The following DCLK1 variants were observed in gnomAD, a reference collection of about 807,000 sequenced individuals.
DCLK1 encodes serine/threonine-protein kinase DCLK1.
Under a neutral mutation model 86.2 loss-of-function variants are expected in DCLK1, and 16 were observed. The ratio of observed to expected loss-of-function variants is 0.19; its 90% confidence interval spans 0.13 to 0.28. The LOEUF is 0.28. Among genes scored for constraint, DCLK1 ranks in the 10% least tolerant of loss-of-function variants. The pLI is 1.00. For missense variants in DCLK1, 590 were observed against 940.2 expected (o/e 0.63, Z 4.87); for synonymous variants, 369 against 370.5 (o/e 1.00, Z 0.05).
At chr13:36,068,684 C>G (rs1201895240) in intron 3 of DCLK1, among the ~76,000 whole-genome samples, 2 of 151,996 alleles carry the variant, frequency 1.3e-5, no homozygotes, top group African/African-American at 4.8e-5. Context: ...AACAATAGGG[C>G]CTAAGACACA....
chr13:35,787,261 C>T (rs1459621351), intron 16 of DCLK1, among the ~76,000 whole-genome samples: 1 of 147,302 alleles, frequency 6.8e-6, no homozygotes. Context: ...TTGGAAAAAA[C>T]AAATGCCAAA....
chr13:35,833,769 T>C (rs1301415800), intron 8 of DCLK1, among the ~76,000 whole-genome samples: 1 of 152,226 alleles, frequency 6.6e-6, no homozygotes, highest in Non-Finnish European at 1.5e-5. Flanking sequence ...TTTTATTTTC[T>C]TGGACCTCTG....
chr13:35,820,512 CT>C (rs1214501491), intron 11 of DCLK1, among the ~76,000 whole-genome samples: 1 of 152,144 alleles, frequency 6.6e-6, no homozygotes, highest in Non-Finnish European at 1.5e-5. Context: ...AATGTAATCA[CT>C]TATGGCATTT....
intron 3 of DCLK1, among the ~76,000 whole-genome samples, chr13:36,092,283 G>GA (rs1028169254): frequency 6.6e-6 from 1 of 151,360 alleles, no homozygotes. Flanking sequence ...CTGTAAAAGA[G>GA]AAAAAAATAG....
intron 5 of DCLK1, among the ~76,000 whole-genome samples, chr13:35,856,159 A>G (rs1871041824): frequency 6.6e-6 from 1 of 152,194 alleles, no homozygotes; most frequent in South Asian, 2.1e-4. Flanking sequence ...ATAGAAACCT[A>G]AAAAGCTATG....
intron 4 of DCLK1, among the ~76,000 whole-genome samples, chr13:35,935,373 G>T (rs939955580): frequency 6.6e-6 from 1 of 152,140 alleles, no homozygotes; most frequent in Non-Finnish European, 1.5e-5. Context: ...AGGATGGAAA[G>T]TTCAAGCATC....
intron 3 of DCLK1, among the ~76,000 whole-genome samples, chr13:36,087,612 G>A (rs1884657703): frequency 1.3e-5 from 2 of 152,106 alleles, no homozygotes; most frequent in South Asian, 4.1e-4. Context: ...GATGTGATTG[G>A]AAAACAGGCC....
chr13:35,937,514 C>G (rs1387785264), intron 4 of DCLK1, among the ~76,000 whole-genome samples: 1 of 152,064 alleles, frequency 6.6e-6, no homozygotes, highest in Admixed American at 6.6e-5. Flanking sequence ...ACATTGGGAT[C>G]TAGCTAGGTG....
intron 3 of DCLK1, among the ~76,000 whole-genome samples, chr13:35,949,864 T>C (rs1436763252): frequency 2.4e-5 from 3 of 125,090 alleles, no homozygotes; most frequent in Non-Finnish European, 3.3e-5. Flanking sequence ...TGAAACGTGA[T>C]GAAATTTTGA....
chr13:35,897,923 A>T (rs1316886508), intron 4 of DCLK1, among the ~76,000 whole-genome samples: 1 of 152,248 alleles, frequency 6.6e-6, no homozygotes, highest in Non-Finnish European at 1.5e-5. Context: ...GTTTATAAAA[A>T]TTAAATTTCA....
chr13:35,808,977 A>C, intron 13 of DCLK1, 41 bp downstream of exon 13: 2 of 1,576,514 alleles, frequency 1.3e-6, no homozygotes, highest in Non-Finnish European at 1.7e-6. Context: ...GAGAGTAGAG[A>C]AATGCTTTGT....
intron 3 of DCLK1, among the ~76,000 whole-genome samples, chr13:36,058,439 C>A (rs1485033354): frequency 2.6e-5 from 4 of 152,080 alleles, no homozygotes; most frequent in Non-Finnish European, 5.9e-5. Flanking sequence ...AGAGGGAGAT[C>A]TAATTAGAAG....
At chr13:36,006,862 T>C (rs1373045883) in intron 3 of DCLK1, among the ~76,000 whole-genome samples, 1 of 152,224 alleles carries the variant, frequency 6.6e-6, no homozygotes, top group Non-Finnish European at 1.5e-5. Context: ...ACTATGATAT[T>C]ACTATGAGAA....
intron 3 of DCLK1, among the ~76,000 whole-genome samples, chr13:36,079,116 G>C (rs939789113): frequency 6.6e-6 from 1 of 152,182 alleles, no homozygotes; most frequent in African/African-American, 2.4e-5. Context: ...GACCATGTCA[G>C]GGCGGTTGTG....
chr13:35,864,654 C>CTT lies in DCLK1; in HGVS notation c.940+6568_940+6569dup, dbSNP rs759910103. The stretch of plus-strand genomic sequence containing the variant: ...CAAAAAAACTCCATTTTTCTTCTCT[C>CTT]TTTTTTTTTTTTTTTTGGAATGGGG... On this transcript the variant is annotated intron_variant, in intron 5 of 16. Transcript: ENST00000360631. Among the ~76,000 whole-genome samples, 147 of 112,588 alleles carry CTT rather than the reference C, an allele frequency of 1.3e-3. 1 individual carries two copies. Among genetic ancestry groups the CTT allele is most frequent in the Middle Eastern group, 4.3e-3 (1 of 230 alleles). The allele number at this position is 112,588 out of a possible 152,430, so 73.9% of individuals were successfully genotyped here. A position where few individuals can be genotyped will look rare whatever the true frequency, so the allele number is the denominator to read the frequency against.
intron 5 of DCLK1, among the ~76,000 whole-genome samples, chr13:35,861,742 T>G (rs1044897902): frequency 6.6e-6 from 1 of 152,078 alleles, no homozygotes; most frequent in African/African-American, 2.4e-5. Context: ...AATGCAGACT[T>G]CTGGCCAGGC....
At chr13:36,017,841 A>C (rs573197802) in intron 3 of DCLK1, among the ~76,000 whole-genome samples, 1 of 152,298 alleles carries the variant, frequency 6.6e-6, no homozygotes, top group South Asian at 2.1e-4. Flanking sequence ...ATGCATGCAC[A>C]GACTGCAAAC....
intron 15 of DCLK1, among the ~76,000 whole-genome samples, chr13:35,798,743 G>T (rs1213174169): frequency 2.0e-5 from 3 of 152,154 alleles, no homozygotes; most frequent in Non-Finnish European, 2.9e-5. Flanking sequence ...TCAATAAGTG[G>T]TTTTATATAT....
At chr13:35,808,386 G>T in intron 13 of DCLK1, 66 bp from the exon 14 acceptor site, 1 of 1,366,534 alleles carries the variant, frequency 7.3e-7, no homozygotes, top group Non-Finnish European at 1.0e-6. Context: ...CATCTTTTCA[G>T]TCTTAGGCAC....
Sources: gnomAD v4.1 joint callset for allele counts (sites outside exome capture counted in the v4.1 genomes callset) on GRCh38, gnomAD v4.1.1 for gene constraint, MANE v1.5 for transcripts, NCBI Gene and HGNC (gene_info 2026-07-23, HGNC 2026-07-21) for gene names.